The following CPNE5 variants were observed in gnomAD, a reference collection of about 807,000 sequenced individuals.
CPNE5 encodes copine 5, also known as copine-5.
In CPNE5, 42 loss-of-function variants were observed where a neutral mutation model predicts 81.1. The ratio of observed to expected loss-of-function variants is 0.52; its 90% CI spans 0.40 to 0.67. The LOEUF is 0.67. CPNE5 is among the 30% of genes least tolerant of loss of function. The pLI, the probability that CPNE5 is intolerant of heterozygous loss-of-function variation, is 0.00. For synonymous variants in CPNE5, 313 were observed against 321.5 expected (o/e 0.97, Z 0.28); for missense variants, 612 against 815.5 (o/e 0.75, Z 3.04).
chr6:36,785,796 T>C (rs547196885), intron 8 of CPNE5, among the ~76,000 whole-genome samples: 5 of 152,150 alleles, frequency 3.3e-5, no homozygotes, highest in Admixed American at 6.5e-5. Context: ...GCAGATCACT[T>C]GAGGCCAGGA....
intron 3 of CPNE5, among the ~76,000 whole-genome samples, chr6:36,806,131 C>T (rs531300111): frequency 1.2e-4 from 19 of 152,262 alleles, no homozygotes; most frequent in Non-Finnish European, 2.4e-4. Context: ...CACGGGTGCC[C>T]AGCCTGTAGG....
At position 36,823,055 on chromosome 6, in the gene CPNE5, TACGTGGGTCGG is replaced by T; in HGVS notation, c.128_136+2del. ...CCGTTCTTATTGTCAGAGCAGGACT[TACGTGGGTCGG>T]ACTTGGAAAACATGTCTTTGTCCAG... On this transcript the variant is annotated splice_donor_variant and coding_sequence_variant, in exon 2 of 21. Transcript: ENST00000244751. LOFTEE classifies it high-confidence loss of function. 6.3e-7 allele frequency: 1 copy of T among 1,575,110 alleles called. No individual in the cohort carries two copies. Among genetic ancestry groups the T allele is most frequent in the Non-Finnish European group, 8.6e-7 (1 of 1,158,948 alleles).
At chr6:36,757,345 A>T in intron 12 of CPNE5, 1 of 985,150 alleles carries the variant, frequency 1.0e-6, no homozygotes, top group Non-Finnish European at 1.2e-6. Flanking sequence ...CTTTGTTCCC[A>T]CAGAGGCCGT....
intron 10 of CPNE5, 57 bp downstream of exon 10, chr6:36,774,904 T>C: frequency 7.4e-7 from 1 of 1,356,004 alleles, no homozygotes; most frequent in Non-Finnish European, 1.0e-6. Context: ...CCCTCACTTG[T>C]GCTTGGGGAG....
chr6:36,745,661 G>A, intron 16 of CPNE5, 146 bp from the exon 17 acceptor site: 1 of 865,390 alleles, frequency 1.2e-6, no homozygotes, highest in Non-Finnish European at 1.7e-6. Flanking sequence ...AGGGGAGGGA[G>A]CTCCCAGGGC....
chr6:36,784,111 C>T (rs990100132), intron 8 of CPNE5, among the ~76,000 whole-genome samples: 3 of 152,176 alleles, frequency 2.0e-5, no homozygotes, highest in Non-Finnish European at 2.9e-5. Context: ...TGGAAAAATC[C>T]GCCAGTGTGC....
At position 36,837,133 on chromosome 6, in the gene CPNE5, T is replaced by C. The variant is rs182301027; in HGVS notation, c.95+2150A>G. ...ACCGCCTTCCGGTGATCATTGTAGCTACTTATTGAGCACCTACTGTGTGCC... is the reference window on the plus strand; with the variant it reads ...ACCGCCTTCCGGTGATCATTGTAGCCACTTATTGAGCACCTACTGTGTGCC... On this transcript the variant is annotated intron_variant, in intron 1 of 20. Transcript: ENST00000244751. Among the ~76,000 whole-genome samples the C allele has an allele frequency of 1.8e-4, 28 of 152,368 alleles. No homozygotes were observed. The East Asian group carries it at 5.2e-3, about 28-fold the overall frequency.
intron 4 of CPNE5, 127 bp from the exon 5 acceptor site, chr6:36,798,621 G>T: frequency 1.3e-6 from 1 of 774,122 alleles, no homozygotes; most frequent in Non-Finnish European, 2.2e-6. Flanking sequence ...AATATTTCTA[G>T]GAGTAATGGT....
chr6:36,785,333 A>G (rs1162498591), intron 8 of CPNE5, among the ~76,000 whole-genome samples: 1 of 152,182 alleles, frequency 6.6e-6, no homozygotes, highest in Non-Finnish European at 1.5e-5. Flanking sequence ...CAAAATTTAA[A>G]GGGGGCTCAA....
At chr6:36,795,763 G>T (rs753157662) in intron 6 of CPNE5, among the ~76,000 whole-genome samples, 2 of 152,076 alleles carry the variant, frequency 1.3e-5, no homozygotes, top group African/African-American at 4.8e-5. Context: ...TGGTCCCAGC[G>T]AACTAACACA....
At chr6:36,768,225 CTTTTTTTTTTTTTTTTT>C (rs10586762) in intron 10 of CPNE5, among the ~76,000 whole-genome samples, 1 of 60,496 alleles carries the variant, frequency 1.7e-5, no homozygotes, top group Non-Finnish European at 3.0e-5. Flanking sequence ...ATTCACAGTT[CTTTTTTTTTTTTTTTTT>C]TTTTTTTTTT....
chr6:36,742,733 G>T, intron 20 of CPNE5: 1 of 985,340 alleles, frequency 1.0e-6, no homozygotes, highest in African/African-American at 1.7e-5. Context: ...TCCACACCAG[G>T]ACACACCACT....
intron 3 of CPNE5, among the ~76,000 whole-genome samples, chr6:36,814,031 A>G (rs150596929): frequency 7.2e-4 from 109 of 152,362 alleles, no homozygotes; most frequent in Non-Finnish European, 1.1e-3. Flanking sequence ...TAGGTCATAC[A>G]GTTAGTAAAT....
intron 1 of CPNE5, chr6:36,827,894 C>A: frequency 3.6e-6 from 1 of 281,224 alleles, no homozygotes; most frequent in Non-Finnish European, 5.4e-6. Context: ...TCTAAAAGAG[C>A]ATACAACCCT....
Position 36,773,744 on chromosome 6 carries a change from T to C in CPNE5, c.737+1217A>G, listed in dbSNP as rs192960153. On this transcript the variant is annotated intron_variant, in intron 10 of 20. Coordinates refer to ENST00000244751, the MANE Select transcript of CPNE5 (RefSeq NM_020939.2). ...GATTGCCCAGGTTGACAGTGCTTTT[T>C]GGTCACAGAGTCAGAATTAGCAACC... Among the ~76,000 whole-genome samples the C allele has an allele frequency of 3.9e-5, 6 of 152,256 alleles. No individual in the cohort carries two copies. In the South Asian group the frequency reaches 6.2e-4, roughly 16 times the overall value.
chr6:36,800,419 A>G (rs1460773102), intron 3 of CPNE5, among the ~76,000 whole-genome samples: 1 of 152,146 alleles, frequency 6.6e-6, no homozygotes, highest in African/African-American at 2.4e-5. Context: ...CACCTCCTCC[A>G]GGAAGCCTTC....
intron 3 of CPNE5, among the ~76,000 whole-genome samples, chr6:36,803,870 G>A (rs1770351378): frequency 6.6e-6 from 1 of 152,144 alleles, no homozygotes; most frequent in African/African-American, 2.4e-5. Flanking sequence ...AATCTCAGTG[G>A]GTGGGGCCTG....
chr6:36,816,433 G>A (rs866934618), intron 3 of CPNE5, among the ~76,000 whole-genome samples: 2 of 152,224 alleles, frequency 1.3e-5, no homozygotes, highest in African/African-American at 4.8e-5. Context: ...GGGGCCACGA[G>A]AGCAGATTTC....
At position 36,839,161 on chromosome 6, in the gene CPNE5, AGTCCT is replaced by A; in HGVS notation, c.95+117_95+121del. The stretch of plus-strand genomic sequence containing the variant: ...GCTCTTGGCAGATCGGCAGGGGCGC[AGTCCT>A]GGAGACCAGGACACTCTGGGAAGGG... On this transcript the variant is annotated intron_variant, in intron 1 of 20. Coordinates refer to ENST00000244751, the MANE Select transcript of CPNE5 (RefSeq NM_020939.2). The surrounding 1 kb of genome is among the most constrained non-coding windows in gnomAD (Gnocchi z 7.3). The A allele has an allele frequency of 1.5e-6, 1 of 659,732 alleles. No homozygotes were observed. Among genetic ancestry groups the A allele is most frequent in the Non-Finnish European group, 2.4e-6 (1 of 410,284 alleles). 40.9% of individuals were successfully genotyped at this position (659,732 alleles called of 1,614,324 possible).
Sources: gnomAD v4.1 joint callset for allele counts (sites outside exome capture counted in the v4.1 genomes callset) on GRCh38, gnomAD v4.1.1 for gene constraint, Gnocchi (gnomAD v3.1) non-coding constraint, MANE v1.5 for transcripts, NCBI Gene and HGNC (gene_info 2026-07-23, HGNC 2026-07-21) for gene names.